NBPF20: variants seen among roughly 807,000 people sequenced by gnomAD.
NBPF20 encodes NBPF member 20, also known as NBPF family member NBPF20.
Under a neutral mutation model 68.1 loss-of-function variants are expected in NBPF20, and 90 were observed. That is an observed-to-expected ratio of 1.32 (90% CI 1.11 to 1.58). NBPF20 has a LOEUF of 1.58. Ranked by LOEUF, NBPF20 falls within the 40% of genes most tolerant of loss-of-function variation. The probability of loss-of-function intolerance (pLI) is 0.00; values close to 1 mark genes in which losing one functional copy is unlikely to be tolerated. For missense variants in NBPF20, 816 were observed against 601.2 expected, an observed-to-expected ratio of 1.36 and a Z score of -3.74; for synonymous variants, 290 against 228.1, an observed-to-expected ratio of 1.27 and a Z score of -2.45.
chr1:145,394,213 A>G lies in NBPF20; in HGVS notation c.992-278T>C, dbSNP rs1346346522. Among the ~76,000 whole-genome samples, 7 of 151,974 alleles carry G rather than the reference A, an allele frequency of 4.6e-5. No homozygotes were observed. The East Asian group carries it at 5.8e-4, about 13-fold the overall frequency. ...ACACAAATGAGAAATTTTTTCCCCA[A>G]TAAATTGTAGGCAAATAGTTCTAAC... On this transcript the variant is annotated intron_variant, in intron 8 of 137. Coordinates refer to ENST00000369373, the Ensembl canonical transcript of NBPF20.
chr1:145,402,721 T>C (rs1264085578), intron 3 of NBPF20, among the ~76,000 whole-genome samples: 10 of 148,840 alleles, frequency 6.7e-5, no homozygotes, highest in African/African-American at 2.2e-4. Context: ...ACATAGTGCA[T>C]CTTGCGGCCA....
chr1:145,291,260 G>C (rs1661055287), exon 138 of NBPF20: 5 of 598,538 alleles, frequency 8.4e-6, no homozygotes, highest in East Asian at 2.9e-5. Flanking sequence ...GCTACCCAGA[G>C]ATACGTGGTT....
At chr1:145,421,965 G>C in the NBPF20 span, among the ~76,000 whole-genome samples, 1 of 152,078 alleles carries the variant, frequency 6.6e-6, no homozygotes, top group South Asian at 2.1e-4. Context: ...TTGAGCCTGA[G>C]AGGTCAAGGC....
chr1:145,405,186 TGCCAACTGGGGGC>T lies in NBPF20; in HGVS notation c.74_86del (p.Arg25GlnfsTer16). The T allele has an allele frequency of 6.2e-7, 1 of 1,613,208 alleles. No homozygotes were observed. Among genetic ancestry groups the T allele is most frequent in the Admixed American group, 1.7e-5 (1 of 60,006 alleles). ...GGTTTCCGAACTGCTGTTTGTTCTC[TGCCAACTGGGGGC>T]GCAATTTCTCGTTGATTTCTAGAAT... On this transcript the variant is annotated frameshift_variant, in exon 2 of 138. Transcript: ENST00000369373. LOFTEE classifies it high-confidence loss of function.
chr1:145,424,809 T>C, the NBPF20 span, among the ~76,000 whole-genome samples: 5 of 152,176 alleles, frequency 3.3e-5, no homozygotes, highest in East Asian at 5.8e-4. Flanking sequence ...TTGAGGCTTG[T>C]CCCGCTAGTC....
chr1:145,409,776 G>A (rs1198446183), upstream of NBPF20, among the ~76,000 whole-genome samples: 2 of 151,954 alleles, frequency 1.3e-5, no homozygotes, highest in African/African-American at 4.8e-5. Context: ...ATTAAAAGAA[G>A]TTAATCATTT....
chr1:145,405,082 A>G lies in NBPF20; in HGVS notation c.175+16T>C, dbSNP rs782583627. The G allele has an allele frequency of 3.7e-6, 6 of 1,613,268 alleles. No individual in the cohort carries two copies. The highest frequency in any genetic ancestry group is 5.1e-6 in the Non-Finnish European group (6 of 1,179,886). ...ATCATTCATCACTTTCATGATGGTG[A>G]GCCTATAGATCTTACTGTATTTCTT... On this transcript the variant is annotated intron_variant, in intron 2 of 137. Transcript: ENST00000369373.
At position 145,378,109 on chromosome 1, in the gene NBPF20, G is replaced by C; in HGVS notation, c.3413-15C>G. Reference sequence around the variant, plus strand: ...CTTTTCAATTTCTGCAATAAGTTCAGACATGGACAGACATATTAAGCTGGT... The same window carrying C: ...CTTTTCAATTTCTGCAATAAGTTCACACATGGACAGACATATTAAGCTGGT... On this transcript the variant is annotated splice_polypyrimidine_tract_variant and intron_variant, in intron 28 of 137. Transcript: ENST00000369373. 3 of 182,486 alleles carry C rather than the reference G, an allele frequency of 1.6e-5. No homozygotes were observed. Among genetic ancestry groups the C allele is most frequent in the Non-Finnish European group, 3.0e-5 (3 of 100,722 alleles). 11.3% of individuals were successfully genotyped at this position (182,486 alleles called of 1,614,324 possible).
chr1:145,411,791 A>C, the NBPF20 span, among the ~76,000 whole-genome samples: 7 of 33,590 alleles, frequency 2.1e-4, 3 homozygotes, highest in Admixed American at 1.6e-3. Context: ...CTAATTTGAC[A>C]TAAAGTGCTA....
chr1:145,292,306 A>T, intron 137 of NBPF20, 75 bp downstream of exon 142: 2 of 620,956 alleles, frequency 3.2e-6, no homozygotes, highest in Non-Finnish European at 5.7e-6. Context: ...GACATCAAAC[A>T]CACTCTGGTT....
upstream of NBPF20, among the ~76,000 whole-genome samples, chr1:145,410,345 C>T (rs587629620): frequency 1.4e-5 from 2 of 147,952 alleles, no homozygotes; most frequent in African/African-American, 5.0e-5. Flanking sequence ...GACGGAGTCT[C>T]GCTCTGTCGC....
chr1:145,290,257 C>T (rs77909600), exon 138 of NBPF20: 11 of 148,978 alleles, frequency 7.4e-5, no homozygotes, highest in East Asian at 1.9e-4. Flanking sequence ...TCTTGAAAAC[C>T]GCTTTCCCAA....
chr1:145,393,552 A>G (rs1439432713), intron 9 of NBPF20, among the ~76,000 whole-genome samples: 13 of 151,876 alleles, frequency 8.6e-5, no homozygotes, highest in African/African-American at 2.9e-4. Flanking sequence ...GACACTCTGT[A>G]TTTGTGCTCT....
At chr1:145,410,892 C>T in the NBPF20 span, among the ~76,000 whole-genome samples, 8 of 125,522 alleles carry the variant, frequency 6.4e-5, no homozygotes, top group East Asian at 1.5e-3. Flanking sequence ...TGTATACACA[C>T]ACACACACAC....
intron 137 of NBPF20, 21 bp downstream of exon 142, chr1:145,292,360 T>C (rs782675930): frequency 9.0e-6 from 6 of 666,846 alleles, no homozygotes; most frequent in East Asian, 7.6e-5. Context: ...GAATTAAGCA[T>C]CCACAATTGC....
chr1:145,394,482 C>G (rs1319656529), intron 8 of NBPF20, among the ~76,000 whole-genome samples: 3 of 152,040 alleles, frequency 2.0e-5, no homozygotes, highest in Admixed American at 6.6e-5. Context: ...AACAAGCGAA[C>G]TTAGAAGACA....
At chr1:145,394,337 G>T (rs1178681871) in intron 8 of NBPF20, among the ~76,000 whole-genome samples, 4 of 151,700 alleles carry the variant, frequency 2.6e-5, no homozygotes, top group Admixed American at 6.6e-5. Context: ...TGATGAAGGG[G>T]TGCAATGTAC....
At chr1:145,290,555 A>C (rs1300158449) in exon 138 of NBPF20, 1 of 150,722 alleles carries the variant, frequency 6.6e-6, no homozygotes, top group East Asian at 2.0e-4. Context: ...ACCACCATCC[A>C]TGACAACAAC....
chr1:145,397,778 A>C (rs1662329360), intron 7 of NBPF20, among the ~76,000 whole-genome samples: 1 of 152,208 alleles, frequency 6.6e-6, no homozygotes, highest in African/African-American at 2.4e-5. Context: ...CAGTTAAAAA[A>C]CACAGAATGG....
Sources: allele counts gnomAD v4.1 joint callset (sites outside exome capture counted in the v4.1 genomes callset), GRCh38; gene constraint gnomAD v4.1.1; transcripts MANE v1.5; gene names NCBI Gene and HGNC (gene_info 2026-07-23, HGNC 2026-07-21).